NR6A1: variants seen among roughly 807,000 people sequenced by gnomAD.
The protein encoded by NR6A1 is nuclear receptor subfamily 6 group A member 1, also known as retinoic acid receptor-related testis-associated receptor.
In NR6A1, 7 loss-of-function variants were observed where a neutral mutation model predicts 59.1. That is an observed-to-expected ratio of 0.12 (90% CI 0.07 to 0.22). NR6A1 has a LOEUF of 0.22. NR6A1 is among the 10% of genes least tolerant of loss of function. The pLI, the probability that NR6A1 is intolerant of heterozygous loss-of-function variation, is 1.00. For synonymous variants in NR6A1, 243 were observed against 236.1 expected, an observed-to-expected ratio of 1.03 and a Z score of -0.27; for missense variants, 468 against 611.6, an observed-to-expected ratio of 0.77 and a Z score of 2.48.
intron 2 of NR6A1, among the ~76,000 whole-genome samples, chr9:124,621,738 A>C (rs969582503): frequency 2.6e-5 from 4 of 152,360 alleles, no homozygotes; most frequent in Non-Finnish European, 4.4e-5. Flanking sequence ...TAATTTGAAC[A>C]TACTGTAAAT....
chr9:124,539,978 C>T, intron 5 of NR6A1, 55 bp downstream of exon 5: 1 of 1,500,540 alleles, frequency 6.7e-7, no homozygotes, highest in Non-Finnish European at 8.8e-7. Context: ...TTCTGTAGCT[C>T]TCCCTTTGGT....
chr9:124,650,369 G>A (rs994991680), intron 2 of NR6A1, among the ~76,000 whole-genome samples: 2 of 152,042 alleles, frequency 1.3e-5, no homozygotes, highest in African/African-American at 2.4e-5. Context: ...TCATACATGG[G>A]AGCTTAAAAA....
chr9:124,651,301 C>T (rs974394324), intron 2 of NR6A1, among the ~76,000 whole-genome samples: 11 of 152,152 alleles, frequency 7.2e-5, no homozygotes, highest in African/African-American at 1.4e-4. Flanking sequence ...TCAAGTGATC[C>T]GTCCACCTCG....
intron 3 of NR6A1, among the ~76,000 whole-genome samples, chr9:124,554,118 C>G (rs1486534529): frequency 6.6e-6 from 1 of 152,204 alleles, no homozygotes; most frequent in Non-Finnish European, 1.5e-5. Context: ...GGCCTGTGCA[C>G]TCATTCCCAC....
intron 1 of NR6A1, among the ~76,000 whole-genome samples, chr9:124,748,426 T>C (rs1468640493): frequency 1.3e-5 from 2 of 152,220 alleles, no homozygotes; most frequent in Admixed American, 1.3e-4. Flanking sequence ...AAATCATTCC[T>C]AATCTCTTCC....
chr9:124,683,923 C>T (rs1838248562), intron 2 of NR6A1, among the ~76,000 whole-genome samples: 1 of 152,210 alleles, frequency 6.6e-6, no homozygotes, highest in Admixed American at 6.5e-5. Context: ...GAAAACAATA[C>T]TTCTAATAGA....
At chr9:124,689,116 G>C (rs1838439497) in intron 2 of NR6A1, among the ~76,000 whole-genome samples, 1 of 152,114 alleles carries the variant, frequency 6.6e-6, no homozygotes, top group Non-Finnish European at 1.5e-5. Flanking sequence ...TTTTTTATTA[G>C]CATATATGGC....
chr9:124,614,197 C>T (rs1265270084), intron 2 of NR6A1, among the ~76,000 whole-genome samples: 1 of 152,100 alleles, frequency 6.6e-6, no homozygotes, highest in Non-Finnish European at 1.5e-5. Context: ...GAGGGCTATG[C>T]AGAGAGAGCA....
At chr9:124,726,702 ACTTCTTCC>A (rs1334212380) in intron 2 of NR6A1, among the ~76,000 whole-genome samples, 1 of 152,174 alleles carries the variant, frequency 6.6e-6, no homozygotes, top group Non-Finnish European at 1.5e-5. Flanking sequence ...TCACTTCTTC[ACTTCTTCC>A]CAATATACAG....
intron 2 of NR6A1, among the ~76,000 whole-genome samples, chr9:124,677,601 G>T (rs1838002996): frequency 6.6e-6 from 1 of 151,896 alleles, no homozygotes; most frequent in South Asian, 2.1e-4. Flanking sequence ...ATATGGTAAG[G>T]TAAACAAATC....
intron 2 of NR6A1, among the ~76,000 whole-genome samples, chr9:124,608,482 T>C (rs892509368): frequency 6.6e-6 from 1 of 152,242 alleles, no homozygotes; most frequent in African/African-American, 2.4e-5. Flanking sequence ...CCTATTCTTT[T>C]TTATGGCTGC....
At chr9:124,736,402 C>A (rs1840021342) in intron 1 of NR6A1, among the ~76,000 whole-genome samples, 2 of 152,160 alleles carry the variant, frequency 1.3e-5, no homozygotes, top group South Asian at 4.1e-4. Flanking sequence ...CTTTTATCTG[C>A]CTAGCAACCA....
chr9:124,693,466 G>A (rs1418041394), intron 2 of NR6A1, among the ~76,000 whole-genome samples: 1 of 152,212 alleles, frequency 6.6e-6, no homozygotes, highest in African/African-American at 2.4e-5. Flanking sequence ...CACTGCCTGT[G>A]TGGCGCAGTG....
intron 2 of NR6A1, among the ~76,000 whole-genome samples, chr9:124,596,307 G>C (rs112202732): frequency 2.0e-5 from 3 of 152,074 alleles, no homozygotes; most frequent in South Asian, 2.1e-4. Flanking sequence ...GGGTTTTTCT[G>C]GGGGGTATGG....
chr9:124,700,684 T>A (rs1838915819), intron 2 of NR6A1, among the ~76,000 whole-genome samples: 2 of 152,144 alleles, frequency 1.3e-5, no homozygotes, highest in Non-Finnish European at 2.9e-5. Flanking sequence ...TGCTGGATAT[T>A]TGAATTGTTT....
At chr9:124,761,272 C>T (rs1840778754) in intron 1 of NR6A1, among the ~76,000 whole-genome samples, 1 of 152,158 alleles carries the variant, frequency 6.6e-6, no homozygotes, top group African/African-American at 2.4e-5. Flanking sequence ...CATGAAACTC[C>T]AAGAATATCA....
intron 2 of NR6A1, among the ~76,000 whole-genome samples, chr9:124,649,024 CAA>C (rs778061662): frequency 2.3e-4 from 35 of 151,834 alleles, no homozygotes; most frequent in Admixed American, 5.9e-4. Context: ...CCACACTATC[CAA>C]AGAGATCTAC....
At chr9:124,767,513 GAA>G (rs951834728) in intron 1 of NR6A1, among the ~76,000 whole-genome samples, 3 of 76,516 alleles carry the variant, frequency 3.9e-5, no homozygotes, top group Admixed American at 1.5e-4. Flanking sequence ...TACAAAAAAA[GAA>G]AAAAAAAAAA....
intron 2 of NR6A1, among the ~76,000 whole-genome samples, chr9:124,653,987 A>C (rs548256358): frequency 5.9e-5 from 9 of 152,370 alleles, no homozygotes; most frequent in African/African-American, 1.9e-4. Flanking sequence ...ATCCTAAATT[A>C]ATACAGAGAA....
Sources: allele counts gnomAD v4.1 joint callset (sites outside exome capture counted in the v4.1 genomes callset), GRCh38; gene constraint gnomAD v4.1.1; transcripts MANE v1.5; gene names NCBI Gene and HGNC (gene_info 2026-07-23, HGNC 2026-07-21).